The following AUTS2 variants were observed in gnomAD, a reference collection of about 807,000 sequenced individuals.
AUTS2 encodes autism susceptibility gene 2 protein.
AUTS2 carries 17 observed loss-of-function variants against 112.4 expected under a neutral mutation model. That is an observed-to-expected ratio of 0.15 (90% CI 0.10 to 0.23). The LOEUF (loss-of-function observed/expected upper bound fraction) is 0.23. AUTS2 is among the 10% of genes least tolerant of loss of function. AUTS2 has a pLI of 1.00. For missense variants in AUTS2, 1,510 were observed against 1,701.6 expected, an observed-to-expected ratio of 0.89 and a Z score of 1.98; for synonymous variants, 751 against 702.7, an observed-to-expected ratio of 1.07 and a Z score of -1.09.
chr7:69,991,006 GTTTTCTTTT>G (rs775973735), intron 2 of AUTS2, among the ~76,000 whole-genome samples: 15 of 152,018 alleles, frequency 9.9e-5, no homozygotes, highest in Non-Finnish European at 1.9e-4. Context: ...AGAGAGGAGA[GTTTTCTTTT>G]AAGAAGGCTA....
chr7:69,725,823 G>C (rs1786482457), intron 1 of AUTS2, among the ~76,000 whole-genome samples: 1 of 152,164 alleles, frequency 6.6e-6, no homozygotes, highest in Admixed American at 6.5e-5. Flanking sequence ...GATACAATCA[G>C]TTCATGAGTA....
chr7:70,771,746 T>C, intron 11 of AUTS2, 102 bp downstream of exon 11: 2 of 985,934 alleles, frequency 2.0e-6, no homozygotes, highest in South Asian at 3.1e-5. Flanking sequence ...CAGTGACTCA[T>C]TAATCAGGTC....
At chr7:70,143,684 G>T (rs1055536325) in intron 4 of AUTS2, among the ~76,000 whole-genome samples, 2 of 152,108 alleles carry the variant, frequency 1.3e-5, no homozygotes, top group Non-Finnish European at 2.9e-5. Context: ...CGACTCCCTG[G>T]TAATAAATCC....
intron 4 of AUTS2, among the ~76,000 whole-genome samples, chr7:70,245,279 A>C (rs1024062901): frequency 6.6e-6 from 1 of 151,796 alleles, no homozygotes; most frequent in Non-Finnish European, 1.5e-5. Flanking sequence ...GGTAAATTCT[A>C]GCTCTTTTGA....
intron 2 of AUTS2, among the ~76,000 whole-genome samples, chr7:70,032,784 C>G (rs1800838564): frequency 2.0e-5 from 3 of 151,952 alleles, no homozygotes; most frequent in African/African-American, 7.2e-5. Flanking sequence ...CCTCCTCTAA[C>G]CTTCCCTGTA....
intron 1 of AUTS2, among the ~76,000 whole-genome samples, chr7:69,834,246 C>T (rs1791624501): frequency 6.6e-6 from 1 of 152,174 alleles, no homozygotes; most frequent in African/African-American, 2.4e-5. Context: ...CTAGTGCGTG[C>T]AATGAAAGGC....
chr7:69,856,119 A>G (rs1287386060), intron 1 of AUTS2, among the ~76,000 whole-genome samples: 1 of 152,160 alleles, frequency 6.6e-6, no homozygotes, highest in Non-Finnish European at 1.5e-5. Flanking sequence ...ATAATTCACT[A>G]TTCTACATGC....
At chr7:70,116,427 C>A (rs1165434346) in intron 2 of AUTS2, among the ~76,000 whole-genome samples, 1 of 152,158 alleles carries the variant, frequency 6.6e-6, no homozygotes, top group African/African-American at 2.4e-5. Context: ...TTCAGCCTCA[C>A]TCTATTCATC....
intron 4 of AUTS2, among the ~76,000 whole-genome samples, chr7:70,386,918 C>T (rs991597316): frequency 6.6e-6 from 1 of 152,072 alleles, no homozygotes; most frequent in Non-Finnish European, 1.5e-5. Context: ...CCAATATTTC[C>T]TCCTATTTCT....
intron 2 of AUTS2, among the ~76,000 whole-genome samples, chr7:70,092,712 A>G (rs1803983324): frequency 6.6e-6 from 1 of 152,204 alleles, no homozygotes; most frequent in Non-Finnish European, 1.5e-5. Context: ...GGTGATAAGC[A>G]TGAGGTCGAA....
intron 4 of AUTS2, among the ~76,000 whole-genome samples, chr7:70,219,475 A>G (rs1165533500): frequency 6.6e-6 from 1 of 152,236 alleles, no homozygotes; most frequent in Admixed American, 6.5e-5. Flanking sequence ...ACATCACAGT[A>G]AAAGATGTCT....
chr7:69,675,013 G>A (rs1796494451), intron 1 of AUTS2, among the ~76,000 whole-genome samples: 1 of 152,104 alleles, frequency 6.6e-6, no homozygotes, highest in Admixed American at 6.5e-5. Context: ...GTGACTGACA[G>A]TTGACAATGG....
intron 2 of AUTS2, among the ~76,000 whole-genome samples, chr7:70,066,886 G>C (rs1802523479): frequency 6.6e-6 from 1 of 152,138 alleles, no homozygotes; most frequent in Non-Finnish European, 1.5e-5. Context: ...TTTTTACTTA[G>C]ACTTTATGAG....
intron 1 of AUTS2, among the ~76,000 whole-genome samples, chr7:69,609,779 T>A (rs1446560178): frequency 6.6e-6 from 1 of 152,240 alleles, no homozygotes; most frequent in African/African-American, 2.4e-5. Context: ...CTAAGGCATC[T>A]TGTCTGTTCA....
At chr7:70,621,949 C>G (rs750702062) in intron 5 of AUTS2, among the ~76,000 whole-genome samples, 1 of 134,068 alleles carries the variant, frequency 7.5e-6, no homozygotes, top group Non-Finnish European at 1.5e-5. Context: ...TGGGTTTAAG[C>G]AGTTCTCCTG....
At chr7:70,224,333 A>ACAATG (rs1479347981) in intron 4 of AUTS2, among the ~76,000 whole-genome samples, 4 of 9,630 alleles carry the variant, frequency 4.2e-4, no homozygotes, top group African/African-American at 1.9e-3. Context: ...ACAGTACAGT[A>ACAATG]CAATACAATA....
intron 4 of AUTS2, among the ~76,000 whole-genome samples, chr7:70,330,116 T>C (rs11972362): frequency 0.021 from 3,153 of 152,302 alleles, 130 homozygotes; most frequent in African/African-American, 0.072. Context: ...TTGAGAAACA[T>C]ATTGAGAACA....
intron 2 of AUTS2, among the ~76,000 whole-genome samples, chr7:70,048,160 G>A (rs1801588542): frequency 6.6e-6 from 1 of 152,060 alleles, no homozygotes; most frequent in Admixed American, 6.5e-5. Context: ...GTTTTTTTCT[G>A]TACTTTGTTA....
intron 4 of AUTS2, among the ~76,000 whole-genome samples, chr7:70,429,041 C>T (rs1795543976): frequency 6.6e-6 from 1 of 152,260 alleles, no homozygotes; most frequent in South Asian, 2.1e-4. Flanking sequence ...TGGGCCCCAA[C>T]TCTAGGCTCT....
Sources: allele counts gnomAD v4.1 joint callset (sites outside exome capture counted in the v4.1 genomes callset), GRCh38; gene constraint gnomAD v4.1.1; transcripts MANE v1.5; gene names NCBI Gene and HGNC (gene_info 2026-07-23, HGNC 2026-07-21).